Variants in DNAJC10 observed in about 807,000 individuals in gnomAD.
DNAJC10 encodes the protein endoplasmic reticulum disulfide reductase DNAJC10.
A neutral mutation model predicts 115.0 loss-of-function variants in DNAJC10; 101 were observed. The ratio of observed to expected loss-of-function variants is 0.88; its 90% CI spans 0.75 to 1.04. DNAJC10 has a LOEUF of 1.04. Ranked by LOEUF, DNAJC10 falls within the 50% of genes least tolerant of loss-of-function variation. The pLI, the probability that DNAJC10 is intolerant of heterozygous loss-of-function variation, is 0.00. For synonymous variants in DNAJC10, 307 were observed against 301.5 expected, an observed-to-expected ratio of 1.02 and a Z score of -0.19; for missense variants, 981 against 928.8, an observed-to-expected ratio of 1.06 and a Z score of -0.73.
Position 182,736,285 on chromosome 2 carries a change from A to G in DNAJC10, c.886A>G (p.Thr296Ala). 1 of 1,591,202 alleles carries G rather than the reference A, an allele frequency of 6.3e-7. No homozygotes were observed. Among genetic ancestry groups the G allele is most frequent in the Non-Finnish European group, 8.5e-7 (1 of 1,171,908 alleles). Reference protein sequence around the residue: ...LVNVGWMDCATQDNLCKSLDI... With the variant: ...LVNVGWMDCAAQDNLCKSLDI... ...TAATGTAGGATGGATGGACTGTGCCACCCAGGATAACCTTTGTAAAAGCTT... is the reference window on the plus strand; with the variant it reads ...TAATGTAGGATGGATGGACTGTGCCGCCCAGGATAACCTTTGTAAAAGCTT... The change falls in exon 11 of 24, where the codon ACC (threonine) becomes GCC (alanine). Residue 296 changes from threonine (T) to alanine (A), a missense_variant. Transcript: ENST00000264065.
At chr2:182,745,575 A>G (rs926241467) in intron 14 of DNAJC10, among the ~76,000 whole-genome samples, 1 of 152,194 alleles carries the variant, frequency 6.6e-6, no homozygotes, top group Admixed American at 6.5e-5. Flanking sequence ...GAGCATCTGC[A>G]TGTACCAGGT....
chr2:182,741,149 G>A lies in DNAJC10; in HGVS notation c.1078-94G>A, dbSNP rs577705837. 2.7e-5 allele frequency: 20 copies of A among 754,588 alleles called. No homozygotes were observed. In the South Asian group the frequency reaches 3.5e-4, roughly 13 times the overall value. 46.7% of individuals were successfully genotyped at this position (754,588 alleles called of 1,614,324 possible). ...AGACAGTATTTTGAAATAATGGGTA[G>A]GGGAGCTAAAACTAACTTCAAGTCA... is the stretch of plus-strand genomic sequence containing the variant. On this transcript the variant is annotated intron_variant, in intron 12 of 23. Coordinates refer to ENST00000264065, the MANE Select transcript of DNAJC10 (RefSeq NM_018981.4).
rs976293856 is a variant in DNAJC10 at position 182,783,408 on chromosome 2, C to T, written c.*6276C>T. 3.9e-5 allele frequency: 6 copies of T among 151,902 alleles called. No individual in the cohort carries two copies. Among genetic ancestry groups the T allele is most frequent in the Admixed American group, 1.3e-4 (2 of 15,248 alleles). The allele number at this position is 151,902 out of a possible 1,614,324, so 9.4% of individuals were successfully genotyped here. A position where few individuals can be genotyped will look rare whatever the true frequency, so the allele number is the denominator to read the frequency against. On this transcript the variant is annotated 3_prime_UTR_variant, in exon 24 of 24. Coordinates refer to ENST00000264065, the MANE Select transcript of DNAJC10 (RefSeq NM_018981.4). The stretch of plus-strand genomic sequence containing the variant: ...TCAAGTCATTAGATAAAGTATATGG[C>T]GTTAAGGCAAAAAATACATATACAC...
chr2:182,793,777 TATTTA>T lies in DNAJC10; in HGVS notation c.*16651_*16655del, dbSNP rs1233095739. 6 of 151,232 alleles carry T rather than the reference TATTTA, an allele frequency of 4.0e-5. No individual in the cohort carries two copies. The highest frequency in any genetic ancestry group is 5.9e-5 in the Non-Finnish European group (4 of 67,952). 9.4% of individuals were successfully genotyped at this position (151,232 alleles called of 1,614,324 possible). A position where few individuals can be genotyped will look rare whatever the true frequency, so the allele number is the denominator to read the frequency against. ...AGCCTCAGGCCAAGGTCCTCTTGCT[TATTTA>T]ATTTAGCAATCCTAAAATTTTCCAG... On this transcript the variant is annotated 3_prime_UTR_variant, in exon 24 of 24. Transcript: ENST00000264065.
At position 182,732,527 on chromosome 2, in the gene DNAJC10, G is replaced by T; in HGVS notation, c.834G>T (p.Arg278Ser). ...GTTTGACTTCACAGACACGACTCAG[G>T]CTTAGTGGCATGTTGGTAAGCATCA... ...GDCLTSQTRL[R>S]LSGMLDGLVN... The change falls in exon 10 of 24, where the codon AGG becomes AGT. Residue 278 changes from arginine (R) to serine (S), a missense_variant. Coordinates refer to ENST00000264065, the MANE Select transcript of DNAJC10 (RefSeq NM_018981.4). The T allele has an allele frequency of 6.2e-7, 1 of 1,613,184 alleles. No homozygotes were observed. Among genetic ancestry groups the T allele is most frequent in the Non-Finnish European group, 8.5e-7 (1 of 1,179,396 alleles).
At chr2:182,756,249 T>C in intron 17 of DNAJC10, 65 bp from the exon 18 acceptor site, 1 of 1,327,712 alleles carries the variant, frequency 7.5e-7, no homozygotes, top group South Asian at 1.9e-5. Flanking sequence ...ACCAACAATT[T>C]GCCAGGAATA....
At chr2:182,744,838 C>T (rs1693821133) in intron 14 of DNAJC10, among the ~76,000 whole-genome samples, 1 of 152,162 alleles carries the variant, frequency 6.6e-6, no homozygotes, top group African/African-American at 2.4e-5. Context: ...TAAACTATAC[C>T]ATGCACTAAA....
Position 182,751,734 on chromosome 2 carries a change from A to T in DNAJC10, c.1383A>T (p.Gln461His). ...VNSHVTTLGP[Q>H]NFPANDKEPW... ...CTCATGTTACCACGCTTGGACCTCAAAATTTTCCTGCCAATGACAAAGAAC... is the reference window on the plus strand; with the variant it reads ...CTCATGTTACCACGCTTGGACCTCATAATTTTCCTGCCAATGACAAAGAAC... Residue 461 changes from glutamine to histidine, a missense_variant, in exon 15 of 24, where the codon CAA (glutamine) becomes CAT (histidine). By Grantham distance (24) the Gln-to-His change is conservative. Coordinates refer to ENST00000264065, the MANE Select transcript of DNAJC10 (RefSeq NM_018981.4). 1 of 1,614,002 alleles carries T rather than the reference A, an allele frequency of 6.2e-7. No individual in the cohort carries two copies. Among genetic ancestry groups the T allele is most frequent in the South Asian group, 1.1e-5 (1 of 91,066 alleles).
intron 22 of DNAJC10, among the ~76,000 whole-genome samples, chr2:182,773,820 G>A (rs1244365366): frequency 6.6e-6 from 1 of 152,174 alleles, no homozygotes; most frequent in Non-Finnish European, 1.5e-5. Context: ...ACCTTCTGAA[G>A]TCTACTTCTG....
chr2:182,752,420 T>G (rs1694046705), intron 16 of DNAJC10: 1 of 345,538 alleles, frequency 2.9e-6, no homozygotes, highest in Non-Finnish European at 4.7e-6. Flanking sequence ...TTTATCAAAC[T>G]CAGGCAACTA....
chr2:182,751,122 G>A (rs1694004927), intron 14 of DNAJC10, among the ~76,000 whole-genome samples: 2 of 117,704 alleles, frequency 1.7e-5, no homozygotes, highest in African/African-American at 6.8e-5. Flanking sequence ...ATTTCAAAGA[G>A]ATTTTGACTT....
intron 22 of DNAJC10, among the ~76,000 whole-genome samples, chr2:182,765,102 G>T (rs891736785): frequency 6.6e-6 from 1 of 152,122 alleles, no homozygotes; most frequent in African/African-American, 2.4e-5. Flanking sequence ...CTTCATTAGA[G>T]ACCTCAGTAA....
chr2:182,729,175 G>C (rs1693372242), intron 7 of DNAJC10, 181 bp downstream of exon 7: 1 of 575,178 alleles, frequency 1.7e-6, no homozygotes, highest in Non-Finnish European at 2.9e-6. Context: ...TTGAGATGGA[G>C]TCTCACTCTG....
intron 12 of DNAJC10, 42 bp from the exon 13 acceptor site, chr2:182,741,201 A>G: frequency 1.5e-6 from 2 of 1,337,580 alleles, no homozygotes; most frequent in Non-Finnish European, 2.1e-6. Flanking sequence ...AACCCTTAGA[A>G]TTTCCCATCT....
Position 182,788,090 on chromosome 2 carries a change from C to T in DNAJC10, c.*10958C>T, listed in dbSNP as rs908685597. 1.3e-5 allele frequency: 2 copies of T among 152,184 alleles called. No individual in the cohort carries two copies. The highest frequency in any genetic ancestry group is 2.4e-5 in the African/African-American group (1 of 41,374). 9.4% of individuals were successfully genotyped at this position (152,184 alleles called of 1,614,324 possible). ...AATGAGAGTCCTTTCCAATTTGAGCCTCGCAGAGTGGTTCCTACAGAGAAG... is the reference window on the plus strand; with the variant it reads ...AATGAGAGTCCTTTCCAATTTGAGCTTCGCAGAGTGGTTCCTACAGAGAAG... On this transcript the variant is annotated 3_prime_UTR_variant, in exon 24 of 24. Transcript: ENST00000264065.
chr2:182,723,126 G>A (rs1693196948), intron 5 of DNAJC10, among the ~76,000 whole-genome samples: 1 of 136,614 alleles, frequency 7.3e-6, no homozygotes, highest in Non-Finnish European at 1.5e-5. Flanking sequence ...TGCAACCTCT[G>A]CCCCCTGGGT....
Position 182,757,696 on chromosome 2 carries a change from T to C in DNAJC10, c.1814T>C (p.Leu605Ser). ...MPEWKRMART[L>S]TGLINVGSID... is the part of the protein sequence containing the mutation. Reference sequence around the variant, plus strand: ...AATCTGTTTTTTCTTTTACAGACATTAACTGGACTGATCAACGTGGGCAGT... The same window carrying C: ...AATCTGTTTTTTCTTTTACAGACATCAACTGGACTGATCAACGTGGGCAGT... The change falls in exon 19 of 24, where the codon TTA becomes TCA. Residue 605 changes from leucine (L) to serine (S), a missense_variant. Physicochemically the swap from Leu to Ser is moderately radical, Grantham distance 145. Transcript: ENST00000264065. The C allele has an allele frequency of 1.3e-6, 2 of 1,559,602 alleles. No homozygotes were observed. The highest frequency in any genetic ancestry group is 8.6e-7 in the Non-Finnish European group (1 of 1,158,572).
chr2:182,743,580 G>T lies in DNAJC10; in HGVS notation c.1192-18G>T. The stretch of plus-strand genomic sequence containing the variant: ...GTAAGACAGTGTTTTTATCAAATTT[G>T]ACCTTTTTCTCCTTTAGGTTGGCAG... On this transcript the variant is annotated intron_variant, in intron 13 of 23. Transcript: ENST00000264065. 3.2e-6 allele frequency: 5 copies of T among 1,546,368 alleles called. No individual in the cohort carries two copies. The highest frequency in any genetic ancestry group is 3.6e-6 in the Non-Finnish European group (4 of 1,120,380).
intron 14 of DNAJC10, among the ~76,000 whole-genome samples, chr2:182,751,130 C>CTTTTTTTTT (rs773393648): frequency 1.1e-4 from 9 of 85,180 alleles, no homozygotes; most frequent in African/African-American, 1.9e-4. Context: ...GAGATTTTGA[C>CTTTTTTTTT]TTTTTTTTTT....
Sources: gnomAD v4.1 joint callset for allele counts (sites outside exome capture counted in the v4.1 genomes callset) on GRCh38, gnomAD v4.1.1 for gene constraint, MANE v1.5 for transcripts, NCBI Gene and HGNC (gene_info 2026-07-23, HGNC 2026-07-21) for gene names.